The following IQCM variants were observed in gnomAD, a reference collection of about 807,000 sequenced individuals.
IQCM encodes IQ domain-containing protein M.
A neutral mutation model predicts 57.6 loss-of-function variants in IQCM; 45 were observed. The ratio of observed to expected loss-of-function variants is 0.78; its 90% CI spans 0.62 to 1.00. The LOEUF (loss-of-function observed/expected upper bound fraction) is 1.00. Among genes scored for constraint, IQCM ranks in the 50% least tolerant of loss-of-function variants. The pLI is 0.00. For missense variants in IQCM, 468 were observed against 511.6 expected, an observed-to-expected ratio of 0.91 and a Z score of 0.82; for synonymous variants, 148 against 158.9, an observed-to-expected ratio of 0.93 and a Z score of 0.51.
chr4:149,400,787 G>A (rs978632622), intron 13 of IQCM, among the ~76,000 whole-genome samples: 3 of 151,864 alleles, frequency 2.0e-5, no homozygotes, highest in African/African-American at 7.2e-5. Flanking sequence ...ATGGCCAAAT[G>A]ATGGTGAAGG....
Position 149,615,011 on chromosome 4 carries a change from C to G in IQCM, c.681+6118G>C, listed in dbSNP as rs542634679. On this transcript the variant is annotated intron_variant, in intron 8 of 13. Coordinates refer to ENST00000636793, the MANE Select transcript of IQCM (RefSeq NM_001363507.2). Reference sequence around the variant, plus strand: ...TCTCTTCTGTATTTCCAAATACTAACTAGAAATTACTTATACAAATTTCTG... The same window carrying G: ...TCTCTTCTGTATTTCCAAATACTAAGTAGAAATTACTTATACAAATTTCTG... 5.5e-4 allele frequency among the ~76,000 whole-genome samples: 83 copies of G among 152,290 alleles called. No individual in the cohort carries two copies. In the South Asian group the frequency reaches 0.012, roughly 23 times the overall value.
chr4:149,708,591 GA>G (rs1400204633), intron 5 of IQCM, among the ~76,000 whole-genome samples: 1 of 151,962 alleles, frequency 6.6e-6, no homozygotes, highest in Non-Finnish European at 1.5e-5. Context: ...AGGCTTTAAA[GA>G]AATGCAAATT....
chr4:149,425,060 A>G (rs1734371223), intron 13 of IQCM, among the ~76,000 whole-genome samples: 1 of 151,998 alleles, frequency 6.6e-6, no homozygotes, highest in Admixed American at 6.6e-5. Flanking sequence ...TAGCCTCTTT[A>G]GGAAATAATA....
At chr4:149,691,227 G>A (rs1159482579) in intron 5 of IQCM, among the ~76,000 whole-genome samples, 1 of 152,100 alleles carries the variant, frequency 6.6e-6, no homozygotes, top group African/African-American at 2.4e-5. Flanking sequence ...GGAAATGAAA[G>A]CAGAGGTGTG....
At chr4:149,788,356 C>G (rs145668248) in intron 2 of IQCM, among the ~76,000 whole-genome samples, 340 of 152,056 alleles carry the variant, frequency 2.2e-3, no homozygotes, top group African/African-American at 7.9e-3. Context: ...ACAAAAACAA[C>G]AAAAACATAC....
chr4:149,536,799 C>A (rs916430006), intron 12 of IQCM, among the ~76,000 whole-genome samples: 12 of 151,946 alleles, frequency 7.9e-5, no homozygotes, highest in African/African-American at 2.9e-4. Context: ...CATGAATTTC[C>A]TTTCACTTTT....
chr4:149,489,361 G>T (rs1009653086), intron 12 of IQCM, among the ~76,000 whole-genome samples: 3 of 151,974 alleles, frequency 2.0e-5, no homozygotes, highest in African/African-American at 7.2e-5. Flanking sequence ...ATAATAATTT[G>T]CTTAAAAAGC....
intron 7 of IQCM, among the ~76,000 whole-genome samples, chr4:149,627,745 T>C (rs1579761825): frequency 6.6e-6 from 1 of 152,162 alleles, no homozygotes; most frequent in Non-Finnish European, 1.5e-5. Flanking sequence ...TTAGCTTATA[T>C]GGCAAAAGAG....
chr4:149,454,109 C>A (rs1737417411), intron 12 of IQCM, among the ~76,000 whole-genome samples: 1 of 145,876 alleles, frequency 6.9e-6, no homozygotes, highest in Non-Finnish European at 1.5e-5. Flanking sequence ...TGGAATCAAC[C>A]TAAATTCCGA....
At chr4:149,464,651 C>A (rs1379418163) in intron 12 of IQCM, among the ~76,000 whole-genome samples, 1 of 152,012 alleles carries the variant, frequency 6.6e-6, no homozygotes, top group Non-Finnish European at 1.5e-5. Flanking sequence ...TTTGAGATCA[C>A]CTTGCTTGAC....
chr4:149,553,329 T>C (rs1749220442), intron 10 of IQCM, 42 bp from the exon 11 acceptor site: 1 of 1,220,500 alleles, frequency 8.2e-7, no homozygotes, highest in Non-Finnish European at 1.0e-6. Flanking sequence ...CTGGTATTTA[T>C]ATTTAATTTG....
intron 12 of IQCM, among the ~76,000 whole-genome samples, chr4:149,489,777 G>GTA (rs1361450545): frequency 4.6e-5 from 7 of 151,184 alleles, no homozygotes; most frequent in Non-Finnish European, 7.4e-5. Context: ...ATGTGTGTGT[G>GTA]TATATATATA....
chr4:149,793,972 G>A (rs1022611427), intron 2 of IQCM, among the ~76,000 whole-genome samples: 1 of 152,220 alleles, frequency 6.6e-6, no homozygotes, highest in Non-Finnish European at 1.5e-5. Flanking sequence ...TGAATGAGGT[G>A]TGGAAGCAGA....
chr4:149,813,727 A>G (rs948793984), intron 2 of IQCM, among the ~76,000 whole-genome samples: 3 of 152,132 alleles, frequency 2.0e-5, no homozygotes, highest in African/African-American at 4.8e-5. Flanking sequence ...TTGAGCTAGA[A>G]CAAACTGATT....
At chr4:149,481,708 T>G (rs867432669) in intron 12 of IQCM, among the ~76,000 whole-genome samples, 8 of 134,740 alleles carry the variant, frequency 5.9e-5, no homozygotes, top group African/African-American at 1.1e-4. Context: ...TTTGTTTTTT[T>G]TTTTTTTTTT....
chr4:149,533,973 C>T (rs1474216774), intron 12 of IQCM, among the ~76,000 whole-genome samples: 1 of 152,086 alleles, frequency 6.6e-6, no homozygotes, highest in Non-Finnish European at 1.5e-5. Context: ...CATTTATATA[C>T]AATGAAAAAG....
chr4:149,371,665 C>G (rs558926529), intron 13 of IQCM, among the ~76,000 whole-genome samples: 1 of 152,188 alleles, frequency 6.6e-6, no homozygotes, highest in Non-Finnish European at 1.5e-5. Context: ...TAAAGCTCCA[C>G]AGAAATATGA....
At chr4:149,513,132 AAAAATTT>A (rs994419856) in intron 12 of IQCM, among the ~76,000 whole-genome samples, 23 of 152,242 alleles carry the variant, frequency 1.5e-4, no homozygotes, top group Non-Finnish European at 4.4e-5. Context: ...AGAATCTTTG[AAAAATTT>A]ACCATTTCCC....
intron 2 of IQCM, among the ~76,000 whole-genome samples, chr4:149,743,695 T>C (rs570568025): frequency 6.6e-6 from 1 of 152,332 alleles, no homozygotes; most frequent in Non-Finnish European, 1.5e-5. Flanking sequence ...TCATCCTTCA[T>C]GGTTCCCAGC....
Sources: gnomAD v4.1 joint callset for allele counts (sites outside exome capture counted in the v4.1 genomes callset) on GRCh38, gnomAD v4.1.1 for gene constraint, MANE v1.5 for transcripts, NCBI Gene and HGNC (gene_info 2026-07-23, HGNC 2026-07-21) for gene names.